The following MGST1 variants were observed in gnomAD, a reference collection of about 807,000 sequenced individuals.
MGST1 encodes microsomal glutathione S-transferase 1, also known as glutathione S-transferase 12.
Under a neutral mutation model 8.9 loss-of-function variants are expected in MGST1, and 5 were observed. The ratio of observed to expected loss-of-function variants is 0.56; its 90% CI spans 0.29 to 1.19. The LOEUF (loss-of-function observed/expected upper bound fraction) is 1.19. Ranked by LOEUF, MGST1 falls within the 50% of genes most tolerant of loss-of-function variation. The probability of loss-of-function intolerance (pLI) is 0.08; values close to 1 mark genes in which losing one functional copy is unlikely to be tolerated. For missense variants in MGST1, 182 were observed against 187.4 expected (o/e 0.97, Z 0.17); for synonymous variants, 54 against 67.8 (o/e 0.80, Z 1.00).
chr12:16,525,829 T>C (rs1342811242), intron 4 of MGST1, among the ~76,000 whole-genome samples: 8 of 151,414 alleles, frequency 5.3e-5, no homozygotes, highest in African/African-American at 9.7e-5. Context: ...TTTTAATGAT[T>C]GCCATTCTAA....
intron 4 of MGST1, among the ~76,000 whole-genome samples, chr12:16,467,577 A>G (rs1002539709): frequency 2.0e-5 from 3 of 152,216 alleles, no homozygotes; most frequent in African/African-American, 7.2e-5. Flanking sequence ...TTTGTTTTCA[A>G]TAGTCAGATG....
chr12:16,498,251 T>C (rs1446037966), intron 4 of MGST1, among the ~76,000 whole-genome samples: 1 of 152,186 alleles, frequency 6.6e-6, no homozygotes, highest in Admixed American at 6.6e-5. Context: ...AGAGGCATAA[T>C]GGTTATTCTG....
chr12:16,442,800 T>C (rs1193765787), downstream of MGST1, among the ~76,000 whole-genome samples: 1 of 151,826 alleles, frequency 6.6e-6, no homozygotes, highest in South Asian at 2.1e-4. This position sits in a 1 kb window ranked among gnomAD's most constrained non-coding sequence, Gnocchi z 4.5. Context: ...GACTTTTTTT[T>C]TCTTGGTCTG....
intron 1 of MGST1, 85 bp from the exon 2 acceptor site, chr12:16,354,146 C>G (rs1939600268): frequency 2.1e-6 from 2 of 937,538 alleles, no homozygotes; most frequent in Admixed American, 6.3e-5. Flanking sequence ...ATAATTAATG[C>G]TGCAATATAA....
At chr12:16,488,264 A>C (rs1474291306) in intron 4 of MGST1, among the ~76,000 whole-genome samples, 2 of 152,168 alleles carry the variant, frequency 1.3e-5, no homozygotes, top group African/African-American at 2.4e-5. Context: ...CCCCTGTTTA[A>C]ATTTAGTTAA....
intron 4 of MGST1, among the ~76,000 whole-genome samples, chr12:16,581,031 A>C (rs1048953767): frequency 6.6e-6 from 1 of 152,198 alleles, no homozygotes; most frequent in Admixed American, 6.5e-5. Context: ...GCCACTAACA[A>C]ATTTTTTTCT....
At chr12:16,425,641 C>A (rs909097196) in intron 1 of MGST1, among the ~76,000 whole-genome samples, 1 of 152,148 alleles carries the variant, frequency 6.6e-6, no homozygotes, top group African/African-American at 2.4e-5. Context: ...GACACTTCTA[C>A]CTCCATGATG....
In MGST1 at chr12:16,401,750, G is replaced by A. The variant is rs918500790; in HGVS notation, n.778+18146G>A. The A allele has an allele frequency of 2.1e-5, 33 of 1,599,332 alleles. No homozygotes were observed. Among genetic ancestry groups the A allele is most frequent in the Non-Finnish European group, 2.5e-5 (29 of 1,166,742 alleles). On this transcript the variant is annotated intron_variant and non_coding_transcript_variant, in intron 1 of 1. Coordinates refer to the MGST1 transcript ENST00000359720. This position sits in a 1 kb window ranked among gnomAD's most constrained non-coding sequence, Gnocchi z 4.3. ...CAGCAAGGTATTTTTTCTCTTCAAC[G>A]GCCTTTTCCACAGACTCAGCCAGTT...
chr12:16,514,426 G>A (rs532538424), intron 4 of MGST1: 3 of 276,228 alleles, frequency 1.1e-5, no homozygotes, highest in South Asian at 7.4e-5. Flanking sequence ...AAGGCCCATC[G>A]CATCATTAGC....
intron 4 of MGST1, among the ~76,000 whole-genome samples, chr12:16,566,297 G>T (rs1942607609): frequency 6.6e-6 from 1 of 151,678 alleles, no homozygotes; most frequent in South Asian, 2.1e-4. Context: ...GGGCCAAAAT[G>T]ACAGTTAAGA....
chr12:16,394,250 T>C (rs1940578809), intron 1 of MGST1, among the ~76,000 whole-genome samples: 1 of 152,200 alleles, frequency 6.6e-6, no homozygotes, highest in South Asian at 2.1e-4. Context: ...AATTAATTTA[T>C]TTTTTTATTG....
chr12:16,501,233 G>T (rs540563487), intron 4 of MGST1, among the ~76,000 whole-genome samples: 2 of 152,040 alleles, frequency 1.3e-5, no homozygotes, highest in African/African-American at 4.8e-5. Flanking sequence ...AATAGCAGCC[G>T]TTTAGGAGTA....
intron 4 of MGST1, among the ~76,000 whole-genome samples, chr12:16,480,222 A>C (rs529616225): frequency 6.7e-5 from 10 of 148,152 alleles, no homozygotes; most frequent in Non-Finnish European, 1.2e-4. Flanking sequence ...GGCTCACTGG[A>C]ACCTCCACCT....
intron 4 of MGST1, among the ~76,000 whole-genome samples, chr12:16,538,133 C>T: frequency 6.6e-6 from 1 of 152,114 alleles, no homozygotes; most frequent in African/African-American, 2.4e-5. Flanking sequence ...GCCAGATACC[C>T]TAAATTATCT....
At chr12:16,446,289 A>G (rs184080607) in intron 4 of MGST1, among the ~76,000 whole-genome samples, 1 of 151,922 alleles carries the variant, frequency 6.6e-6, no homozygotes, top group East Asian at 2.0e-4. Flanking sequence ...TAAGGAAATT[A>G]TTTCAATATG....
intron 1 of MGST1, among the ~76,000 whole-genome samples, chr12:16,348,275 G>T (rs9332881): frequency 0.011 from 1,638 of 152,284 alleles, 36 homozygotes; most frequent in African/African-American, 0.038. Flanking sequence ...GAGGATGTGG[G>T]TTAGATGATA....
At chr12:16,367,840 C>A (rs1314665010), downstream of MGST1, among the ~76,000 whole-genome samples, 1 of 151,534 alleles carries the variant, frequency 6.6e-6, no homozygotes, top group Non-Finnish European at 1.5e-5. Context: ...AAGGCCAAGT[C>A]TGATGACACA....
At chr12:16,561,816 T>A (rs1942416240) in intron 4 of MGST1, among the ~76,000 whole-genome samples, 1 of 152,228 alleles carries the variant, frequency 6.6e-6, no homozygotes, top group Non-Finnish European at 1.5e-5. Flanking sequence ...GCTCATATTT[T>A]TGTTGGATTG....
rs1317016200 is a variant in MGST1, at chr12:16,410,696, AAT to A, written n.779-26686_779-26685del. ...AATATATAATATAAATATATAATAT[AAT>A]ATATAAATATATAATCAAATATTCA... On this transcript the variant is annotated intron_variant and non_coding_transcript_variant, in intron 1 of 1. Coordinates refer to the MGST1 transcript ENST00000359720. The surrounding 1 kb of genome is among the most constrained non-coding windows in gnomAD (Gnocchi z 4.4). Among the ~76,000 whole-genome samples the A allele has an allele frequency of 2.7e-5, 4 of 148,132 alleles. No homozygotes were observed. The highest frequency in any genetic ancestry group is 7.3e-5 in the African/African-American group (3 of 40,832).
Sources: allele counts gnomAD v4.1 joint callset (sites outside exome capture counted in the v4.1 genomes callset), GRCh38; gene constraint gnomAD v4.1.1; non-coding constraint Gnocchi (gnomAD v3.1); transcripts MANE v1.5; gene names NCBI Gene and HGNC (gene_info 2026-07-23, HGNC 2026-07-21).